LSG1: variants seen among roughly 807,000 people sequenced by gnomAD.
LSG1 encodes large 60S subunit nuclear export GTPase 1.
LSG1 carries 55 observed loss-of-function variants against 82.6 expected under a neutral mutation model. The ratio of observed to expected loss-of-function variants is 0.67; its 90% CI spans 0.54 to 0.83. The LOEUF is 0.83. Ranked by LOEUF, LSG1 falls within the 40% of genes least tolerant of loss-of-function variation. LSG1 has a pLI of 0.00. For synonymous variants in LSG1, 272 were observed against 282.5 expected, an observed-to-expected ratio of 0.96 and a Z score of 0.37; for missense variants, 809 against 807.9, an observed-to-expected ratio of 1.00 and a Z score of -0.02.
chr3:194,647,104 A>C (rs1252169322), intron 11 of LSG1, among the ~76,000 whole-genome samples: 1 of 152,212 alleles, frequency 6.6e-6, no homozygotes, highest in Non-Finnish European at 1.5e-5. Flanking sequence ...TTAGAATCCT[A>C]ATTTACACAA....
rs1015206379 is a variant in LSG1 at position 194,670,908 on chromosome 3, T to C, written c.100-773A>G. On this transcript the variant is annotated intron_variant, in intron 1 of 13. Transcript: ENST00000265245. ...CAGCTTGGGCAACACAGCAAGACCC[T>C]GTCTCTCCAAAACAAACAAACAAAA... Among the ~76,000 whole-genome samples the C allele has an allele frequency of 1.4e-5, 2 of 144,798 alleles. 1 individual carries two copies. Among genetic ancestry groups the C allele is most frequent in the Non-Finnish European group, 3.1e-5 (2 of 63,754 alleles). The allele number at this position is 144,798 out of a possible 152,430, so 95.0% of individuals were successfully genotyped here.
Position 194,644,739 on chromosome 3 carries a change from A to T in LSG1, c.1631T>A (p.Leu544Gln). 1.9e-6 allele frequency: 3 copies of T among 1,603,878 alleles called. No individual in the cohort carries two copies. The highest frequency in any genetic ancestry group is 2.6e-6 in the Non-Finnish European group (3 of 1,174,522). The change falls in exon 13 of 14, where the codon CTG (leucine) becomes CAG (glutamine). Residue 544 changes from leucine (L) to glutamine (Q), a missense_variant. Coordinates refer to ENST00000265245, the MANE Select transcript of LSG1 (RefSeq NM_018385.3). ...YILKDYVSGKLLYCHPPPGRD... is the reference protein window; with the variant it reads ...YILKDYVSGKQLYCHPPPGRD... The stretch of plus-strand genomic sequence containing the variant: ...TCCAGGAGGAGGATGGCAGTACAGC[A>T]GCTTACCCTACAAAGACAACATGAA...
At chr3:194,643,722 A>G (rs993255639) in intron 13 of LSG1, among the ~76,000 whole-genome samples, 1 of 152,220 alleles carries the variant, frequency 6.6e-6, no homozygotes, top group African/African-American at 2.4e-5. Context: ...GACGAAATCC[A>G]TGTCTCCACA....
intron 11 of LSG1, among the ~76,000 whole-genome samples, chr3:194,647,129 T>G (rs1267588222): frequency 1.3e-5 from 2 of 152,136 alleles, no homozygotes; most frequent in Non-Finnish European, 2.9e-5. Context: ...CAACAATAAA[T>G]TTCGTCAGAT....
At chr3:194,671,650 G>A (rs1161486475) in intron 1 of LSG1, among the ~76,000 whole-genome samples, 2 of 152,212 alleles carry the variant, frequency 1.3e-5, no homozygotes, top group African/African-American at 4.8e-5. Flanking sequence ...GATGAGGCAA[G>A]GATCTGAATT....
intron 7 of LSG1, among the ~76,000 whole-genome samples, chr3:194,656,561 T>C (rs1426699703): frequency 6.6e-6 from 1 of 152,152 alleles, no homozygotes; most frequent in Non-Finnish European, 1.5e-5. Flanking sequence ...GACTGTAAAC[T>C]AGTTCAACCC....
At chr3:194,666,319 C>T in intron 3 of LSG1, 30 bp from the exon 4 acceptor site, 1 of 1,609,178 alleles carries the variant, frequency 6.2e-7, no homozygotes. Context: ...AAAAAAATTC[C>T]TCATATAAGT....
rs377625278 is a variant in LSG1 at position 194,666,303 on chromosome 3, A to G, written c.348-14T>C. The G allele has an allele frequency of 1.5e-5, 24 of 1,612,856 alleles. No individual in the cohort carries two copies. The African/African-American group carries it at 2.9e-4, about 20-fold the overall frequency. On this transcript the variant is annotated splice_polypyrimidine_tract_variant and intron_variant, in intron 3 of 13. Coordinates refer to ENST00000265245, the MANE Select transcript of LSG1 (RefSeq NM_018385.3). Reference sequence around the variant, plus strand: ...TTCCAGTTTGGTCTGAAACAATCATAGAAGGAAAAAAATTCCTCATATAAG... The same window carrying G: ...TTCCAGTTTGGTCTGAAACAATCATGGAAGGAAAAAAATTCCTCATATAAG...
intron 2 of LSG1, among the ~76,000 whole-genome samples, chr3:194,667,734 C>G (rs1174924343): frequency 6.6e-6 from 1 of 151,066 alleles, no homozygotes; most frequent in Non-Finnish European, 1.5e-5. Context: ...CCAGCCTGGC[C>G]TACAAGGTGA....
At chr3:194,644,476 T>C (rs982064602) in intron 13 of LSG1, 97 bp downstream of exon 13, 1 of 666,692 alleles carries the variant, frequency 1.5e-6, no homozygotes, top group Non-Finnish European at 2.3e-6. Flanking sequence ...AAACCCTTTT[T>C]GGGGTTAATA....
chr3:194,644,485 T>C (rs974311467), intron 13 of LSG1, 88 bp downstream of exon 13: 2 of 863,582 alleles, frequency 2.3e-6, no homozygotes, highest in Middle Eastern at 3.9e-4. Context: ...TTGGGGTTAA[T>C]AAAATGTGTT....
Position 194,650,919 on chromosome 3 carries a change from T to C in LSG1, c.1381A>G (p.Ile461Val), listed in dbSNP as rs914371782. The change falls in exon 10 of 14, where the codon ATT (isoleucine) becomes GTT (valine). Residue 461 changes from isoleucine (I) to valine (V), a missense_variant. By Grantham distance (29) the Ile-to-Val change is conservative. Transcript: ENST00000265245. ...AEMTCSGILP[I>V]DQMRDHVPPV... The stretch of plus-strand genomic sequence containing the variant: ...GGAACATGATCTCTCATCTGATCAA[T>C]TGGGAGGATTCCGCTGCAAGTCATT... 6 of 1,614,168 alleles carry C rather than the reference T, an allele frequency of 3.7e-6. No homozygotes were observed. The highest frequency in any genetic ancestry group is 2.2e-5 in the East Asian group (1 of 44,886).
At chr3:194,649,302 A>G (rs1488017889) in intron 10 of LSG1, among the ~76,000 whole-genome samples, 1 of 152,154 alleles carries the variant, frequency 6.6e-6, no homozygotes, top group Non-Finnish European at 1.5e-5. Flanking sequence ...AAAGGGCAGG[A>G]GCCATCTCTA....
chr3:194,654,401 T>C (rs1225321896), intron 7 of LSG1, among the ~76,000 whole-genome samples: 2 of 152,194 alleles, frequency 1.3e-5, no homozygotes, highest in Non-Finnish European at 2.9e-5. Context: ...AGTAGCTTTG[T>C]TAGAATGATT....
chr3:194,669,101 T>A (rs1719089611), intron 2 of LSG1, among the ~76,000 whole-genome samples: 1 of 152,126 alleles, frequency 6.6e-6, no homozygotes, highest in Non-Finnish European at 1.5e-5. Context: ...GATGAATAAG[T>A]TCTGGAGGTC....
intron 12 of LSG1, among the ~76,000 whole-genome samples, chr3:194,645,591 C>A (rs1450943544): frequency 9.4e-6 from 1 of 105,828 alleles, no homozygotes; most frequent in African/African-American, 3.9e-5. Context: ...CACACACACA[C>A]ACACACACAC....
intron 5 of LSG1, chr3:194,660,859 A>G (rs1256949595): frequency 2.2e-6 from 1 of 456,646 alleles, no homozygotes; most frequent in Non-Finnish European, 4.4e-6. Context: ...TCCCTCACAA[A>G]TATAGTGGGG....
intron 5 of LSG1, among the ~76,000 whole-genome samples, chr3:194,663,748 G>C (rs9681935): frequency 0.013 from 282 of 21,090 alleles, no homozygotes; most frequent in Non-Finnish European, 0.019. Context: ...CTCAGAGAAA[G>C]CCTTTCCCTT....
Position 194,644,714 on chromosome 3 carries a change from TC to T in LSG1, c.1655del (p.Gly552GlufsTer5), listed in dbSNP as rs746841247. 1 of 1,607,980 alleles carries T rather than the reference TC, an allele frequency of 6.2e-7. No individual in the cohort carries two copies. The highest frequency in any genetic ancestry group is 1.3e-5 in the African/African-American group (1 of 74,922). Reference protein sequence around the residue: ...GKLLYCHPPPGRDPVTFQHQH... With the variant: ...GKLLYCHPPPXRDPVTFQHQH... ...GATGCTGAAAAGTTACAGGATCTCT[TC>T]CAGGAGGAGGATGGCAGTACAGCAG... On this transcript the variant is annotated frameshift_variant, in exon 13 of 14. Coordinates refer to ENST00000265245, the MANE Select transcript of LSG1 (RefSeq NM_018385.3). LOFTEE classifies it high-confidence loss of function.
Sources: allele counts gnomAD v4.1 joint callset (sites outside exome capture counted in the v4.1 genomes callset), GRCh38; gene constraint gnomAD v4.1.1; transcripts MANE v1.5; gene names NCBI Gene and HGNC (gene_info 2026-07-23, HGNC 2026-07-21).